RAPGEF1: variants seen among roughly 807,000 people sequenced by gnomAD.
The protein encoded by RAPGEF1 is CRK SH3-binding GNRP.
In RAPGEF1, 33 loss-of-function variants were observed where a neutral mutation model predicts 143.3. The observed-to-expected ratio is 0.23, with a 90% CI of 0.17 to 0.31. The LOEUF (loss-of-function observed/expected upper bound fraction) is 0.31, where lower values mean the gene tolerates loss of function less well. Ranked by LOEUF, RAPGEF1 falls within the 10% of genes least tolerant of loss-of-function variation. The probability of loss-of-function intolerance (pLI) is 1.00; values close to 1 mark genes in which losing one functional copy is unlikely to be tolerated. For missense variants in RAPGEF1, 1,199 were observed against 1,645.4 expected, an observed-to-expected ratio of 0.73 and a Z score of 4.69; for synonymous variants, 629 against 676.5, an observed-to-expected ratio of 0.93 and a Z score of 1.09.
rs1458190940 is a variant in RAPGEF1 at position 131,588,505 on chromosome 9, T to G, written c.3053+296A>C. On this transcript the variant is annotated intron_variant, in intron 20 of 26. Coordinates refer to ENST00000683357, the MANE Select transcript of RAPGEF1 (RefSeq NM_001377935.1). ...AGACTGGCATCAACCACTGCCATGT[T>G]CGTGCTGGGACAACCCAGAACTGAC... is the stretch of plus-strand genomic sequence containing the variant. Among the ~76,000 whole-genome samples, 3 of 152,338 alleles carry G rather than the reference T, an allele frequency of 2.0e-5. No homozygotes were observed. In the East Asian group the frequency reaches 5.8e-4, roughly 29 times the overall value.
At chr9:131,653,264 A>G (rs950877863) in intron 1 of RAPGEF1, among the ~76,000 whole-genome samples, 2 of 152,202 alleles carry the variant, frequency 1.3e-5, no homozygotes, top group Non-Finnish European at 2.9e-5. Flanking sequence ...TACCAAATAC[A>G]ATGTAAATGT....
intron 1 of RAPGEF1, among the ~76,000 whole-genome samples, chr9:131,672,500 A>T (rs966056411): frequency 1.3e-5 from 2 of 152,208 alleles, no homozygotes; most frequent in African/African-American, 4.8e-5. Context: ...GAAGGGACCC[A>T]GGACACTGGG....
At chr9:131,625,807 T>C in intron 10 of RAPGEF1, 115 bp downstream of exon 10, 5 of 1,384,372 alleles carry the variant, frequency 3.6e-6, no homozygotes, top group Non-Finnish European at 4.9e-6. Context: ...GGCTGGCCTA[T>C]CTTTTATGAA....
intron 5 of RAPGEF1, among the ~76,000 whole-genome samples, chr9:131,633,768 G>T (rs746385809): frequency 9.2e-5 from 14 of 152,210 alleles, no homozygotes; most frequent in Non-Finnish European, 1.8e-4. Flanking sequence ...CTAGACAGAA[G>T]GTCTTTAGTC....
chr9:131,625,852 C>G, intron 10 of RAPGEF1, 70 bp downstream of exon 10: 1 of 1,491,970 alleles, frequency 6.7e-7, no homozygotes. Context: ...TGGTCTAATG[C>G]TGAAATAAAA....
intron 1 of RAPGEF1, among the ~76,000 whole-genome samples, chr9:131,679,031 C>T (rs1832687011): frequency 6.6e-6 from 1 of 151,882 alleles, no homozygotes; most frequent in African/African-American, 2.4e-5. Flanking sequence ...TTCCTCAGCC[C>T]GGAGAAGCAA....
intron 1 of RAPGEF1, among the ~76,000 whole-genome samples, chr9:131,666,224 G>A (rs549722759): frequency 3.2e-4 from 48 of 152,250 alleles, no homozygotes; most frequent in African/African-American, 1.1e-3. Context: ...TTGGTGGGAC[G>A]CTTCAGCCTG....
rs56044744 is a variant in RAPGEF1 at position 131,730,697 on chromosome 9, C to CAAAAAAAAAAAAAAAAAAAA, written c.61+9053_61+9072dup. Among the ~76,000 whole-genome samples the CAAAAAAAAAAAAAAAAAAAA allele has an allele frequency of 1.4e-3, 111 of 80,344 alleles. 7 individuals carry two copies. Among genetic ancestry groups the CAAAAAAAAAAAAAAAAAAAA allele is most frequent in the East Asian group, 9.6e-3 (20 of 2,086 alleles). 52.7% of individuals were successfully genotyped at this position (80,344 alleles called of 152,430 possible). On this transcript the variant is annotated intron_variant, in intron 1 of 26. Coordinates refer to ENST00000683357, the MANE Select transcript of RAPGEF1 (RefSeq NM_001377935.1). ...GCAACAGCAGAGTGAGACTCCATCTCAAAAAAAAAAAAAAAAAAAAAGAAG... is the reference window on the plus strand; with the variant it reads ...GCAACAGCAGAGTGAGACTCCATCTCAAAAAAAAAAAAAAAAAAAAAAAAAAAAAAAAAAAAAAAAAGAAG...
At position 131,710,066 on chromosome 9, in the gene RAPGEF1, A is replaced by G. The variant is rs537151112; in HGVS notation, c.61+29704T>C. 748 of 509,484 alleles carry G rather than the reference A, an allele frequency of 1.5e-3. 1 individual carries two copies. Among genetic ancestry groups the G allele is most frequent in the Middle Eastern group, 5.0e-3 (5 of 1,000 alleles). The allele number at this position is 509,484 out of a possible 1,614,324, so 31.6% of individuals were successfully genotyped here. ...TTTTAATACCACTTTTCTCCGCAGGAGAAATGGGGAATCAGGTGATCAAAA... is the reference window on the plus strand; with the variant it reads ...TTTTAATACCACTTTTCTCCGCAGGGGAAATGGGGAATCAGGTGATCAAAA... On this transcript the variant is annotated intron_variant, in intron 1 of 26. Coordinates refer to ENST00000683357, the MANE Select transcript of RAPGEF1 (RefSeq NM_001377935.1).
chr9:131,602,392 G>C (rs758232363), intron 14 of RAPGEF1, among the ~76,000 whole-genome samples: 13 of 152,184 alleles, frequency 8.5e-5, no homozygotes, highest in Non-Finnish European at 1.8e-4. Flanking sequence ...TGCCAACCTA[G>C]GCAAAGCCAC....
At chr9:131,690,936 T>C (rs1415208317) in intron 1 of RAPGEF1, among the ~76,000 whole-genome samples, 1 of 152,216 alleles carries the variant, frequency 6.6e-6, no homozygotes, top group African/African-American at 2.4e-5. Flanking sequence ...TTTCTTGGAG[T>C]ATTGATTTAC....
chr9:131,585,265 T>G (rs1184643395), intron 22 of RAPGEF1, among the ~76,000 whole-genome samples: 1 of 152,146 alleles, frequency 6.6e-6, no homozygotes, highest in Non-Finnish European at 1.5e-5. Flanking sequence ...ACTGTAGTCT[T>G]GAACTCCTGT....
rs967927480 is a variant in RAPGEF1, at chr9:131,577,176, G to C, written c.*2321C>G. ...GGGCCAGGCTTAGGGGGCACAGGGG[G>C]CTGCCTGCCATCAATAAGTTAGACA... is the stretch of plus-strand genomic sequence containing the variant. On this transcript the variant is annotated 3_prime_UTR_variant, in exon 27 of 27. Coordinates refer to ENST00000683357, the MANE Select transcript of RAPGEF1 (RefSeq NM_001377935.1). 6.6e-6 allele frequency: 1 copy of C among 152,370 alleles called. No individual in the cohort carries two copies. The highest frequency in any genetic ancestry group is 1.5e-5 in the Non-Finnish European group (1 of 68,142). 9.4% of individuals were successfully genotyped at this position (152,370 alleles called of 1,614,324 possible).
chr9:131,614,461 C>T (rs976912299), intron 12 of RAPGEF1, among the ~76,000 whole-genome samples: 3 of 152,228 alleles, frequency 2.0e-5, no homozygotes, highest in Non-Finnish European at 4.4e-5. Flanking sequence ...GGCCTTTAGG[C>T]CCGTCAGTGT....
At chr9:131,698,119 A>G (rs1389682444) in intron 1 of RAPGEF1, among the ~76,000 whole-genome samples, 3 of 152,220 alleles carry the variant, frequency 2.0e-5, no homozygotes, top group Admixed American at 6.5e-5. Flanking sequence ...AGGGATTCTC[A>G]TAAATACAGC....
intron 1 of RAPGEF1, among the ~76,000 whole-genome samples, chr9:131,680,413 C>T (rs1832805482): frequency 6.6e-6 from 1 of 152,128 alleles, no homozygotes; most frequent in Non-Finnish European, 1.5e-5. Flanking sequence ...ATAAATTGGC[C>T]CCAAAACTGG....
intron 3 of RAPGEF1, among the ~76,000 whole-genome samples, chr9:131,649,486 A>G (rs1183589862): frequency 6.6e-6 from 1 of 152,170 alleles, no homozygotes; most frequent in African/African-American, 2.4e-5. Context: ...CTGCATTCAA[A>G]TCTTGACTTT....
intron 17 of RAPGEF1, among the ~76,000 whole-genome samples, chr9:131,593,790 A>G (rs1037524483): frequency 6.6e-6 from 1 of 152,110 alleles, no homozygotes; most frequent in Non-Finnish European, 1.5e-5. Flanking sequence ...ACACCCACCC[A>G]GTTCACTGTC....
intron 15 of RAPGEF1, among the ~76,000 whole-genome samples, chr9:131,601,788 T>C (rs543690692): frequency 6.6e-6 from 1 of 151,710 alleles, no homozygotes; most frequent in African/African-American, 2.4e-5. Flanking sequence ...ATGCCTGTAG[T>C]CCCAGCTATC....
Sources: gnomAD v4.1 joint callset for allele counts (sites outside exome capture counted in the v4.1 genomes callset) on GRCh38, gnomAD v4.1.1 for gene constraint, MANE v1.5 for transcripts, NCBI Gene and HGNC (gene_info 2026-07-23, HGNC 2026-07-21) for gene names.